The following PCDHGB5 variants were observed in gnomAD, a reference collection of about 807,000 sequenced individuals.
The protein encoded by PCDHGB5 is protocadherin gamma subfamily B, 5.
In PCDHGB5, 48 loss-of-function variants were observed where a neutral mutation model predicts 62.9. The observed-to-expected ratio is 0.76, with a 90% CI of 0.61 to 0.97. PCDHGB5 has a LOEUF of 0.97. PCDHGB5 is among the 50% of genes least tolerant of loss of function. The probability of loss-of-function intolerance (pLI) is 0.00; values close to 1 mark genes in which losing one functional copy is unlikely to be tolerated. For synonymous variants in PCDHGB5, 474 were observed against 511.2 expected, an observed-to-expected ratio of 0.93 and a Z score of 0.98; for missense variants, 1,118 against 1,198.6, an observed-to-expected ratio of 0.93 and a Z score of 0.99.
Position 141,432,323 on chromosome 5 carries a change from T to C in PCDHGB5, c.2397+31799T>C, listed in dbSNP as rs1198710959. The C allele has an allele frequency of 3.4e-5, 55 of 1,614,214 alleles. No individual in the cohort carries two copies. Among genetic ancestry groups the C allele is most frequent in the Non-Finnish European group, 4.7e-5 (55 of 1,180,028 alleles). On this transcript the variant is annotated intron_variant, in intron 1 of 3. Transcript: ENST00000617380. This position sits in a 1 kb window ranked among gnomAD's most constrained non-coding sequence, Gnocchi z 6.0. ...ACTGTATGCGCTGAGCTCCTTCGAC[T>C]ACGAGCAGTTCCGAGACTTGCAAGT...
At chr5:141,409,097 G>C in intron 1 of PCDHGB5, 1 of 1,613,958 alleles carries the variant, frequency 6.2e-7, no homozygotes, top group Non-Finnish European at 8.5e-7. Context: ...TGAGAAAACA[G>C]GTATGATTAA....
intron 1 of PCDHGB5, chr5:141,421,202 C>G (rs1345590720): frequency 6.6e-7 from 1 of 1,519,226 alleles, no homozygotes; most frequent in Non-Finnish European, 8.8e-7. Flanking sequence ...CTCGAGAAAC[C>G]GCGGAATATC....
At chr5:141,504,352 G>A (rs2099837588) in intron 2 of PCDHGB5, among the ~76,000 whole-genome samples, 3 of 152,016 alleles carry the variant, frequency 2.0e-5, no homozygotes, top group Admixed American at 1.3e-4. Flanking sequence ...TTTGTGCTAG[G>A]TGCTTCAGTA....
intron 1 of PCDHGB5, chr5:141,422,667 G>A (rs1283968031): frequency 1.9e-6 from 3 of 1,607,536 alleles, no homozygotes; most frequent in South Asian, 1.1e-5. Context: ...CCCTCGACCC[G>A]GACAGCAAAC....
At chr5:141,451,812 C>T (rs974567828) in intron 1 of PCDHGB5, among the ~76,000 whole-genome samples, 1 of 149,686 alleles carries the variant, frequency 6.7e-6, no homozygotes, top group Non-Finnish European at 1.5e-5. Context: ...ACCCAGGAGG[C>T]GGAGGTTACA....
chr5:141,409,879 A>C, intron 1 of PCDHGB5: 1 of 1,612,852 alleles, frequency 6.2e-7, no homozygotes. Context: ...ATGACAACGC[A>C]CCGCGGGTGC....
In PCDHGB5 at chr5:141,399,649, G is replaced by A. The variant is rs1325160100; in HGVS notation, c.1522G>A (p.Gly508Arg). 1.2e-6 allele frequency: 2 copies of A among 1,613,794 alleles called. No individual in the cohort carries two copies. Among genetic ancestry groups the A allele is most frequent in the East Asian group, 2.2e-5 (1 of 44,878 alleles). ...TTACGTGTCCATGAGCGCGCAAAGTGGGGTGGTGTTCGCGCAGCGCGCCTT... is the reference window on the plus strand; with the variant it reads ...TTACGTGTCCATGAGCGCGCAAAGTAGGGTGGTGTTCGCGCAGCGCGCCTT... ...ASYVSMSAQS[G>R]VVFAQRAFDY... Residue 508 changes from glycine (G) to arginine (R), a missense_variant, in exon 1 of 4, where the codon GGG (glycine) becomes AGG (arginine). Transcript: ENST00000617380.
rs2093677658 is a variant in PCDHGB5, at chr5:141,398,611, A to G, written c.484A>G (p.Ile162Val). The G allele has an allele frequency of 2.5e-6, 4 of 1,613,944 alleles. No individual in the cohort carries two copies. The highest frequency in any genetic ancestry group is 1.3e-5 in the African/African-American group (1 of 74,948). Residue 162 changes from isoleucine (I) to valine (V), a missense_variant, in exon 1 of 4, where the codon ATT becomes GTT. By Grantham distance (29) the Ile-to-Val change is conservative. Around this residue, in one of 2 missense-constraint regions of PCDHGB5, gnomAD observed 1,034 missense variants for 1,029.1 expected, o/e 1.00. Transcript: ENST00000617380. ...ACTAGAAGTAGCAGAAGATGCAGAT[A>G]TTGGCTTAAACTCTCTGCAGAAGTA... ...FILEVAEDAD[I>V]GLNSLQKYKL...
At chr5:141,420,945 G>C in intron 1 of PCDHGB5, 1 of 396,520 alleles carries the variant, frequency 2.5e-6, no homozygotes, top group South Asian at 5.1e-5. Flanking sequence ...ATTTCTTCTG[G>C]AATTTCTTAG....
chr5:141,508,901 C>T (rs1466455227), intron 3 of PCDHGB5, among the ~76,000 whole-genome samples: 1 of 151,946 alleles, frequency 6.6e-6, no homozygotes, highest in South Asian at 2.1e-4. Flanking sequence ...GGGGGCGGGG[C>T]GGTGGCGGAT....
At chr5:141,402,919 G>T in intron 1 of PCDHGB5, 1 of 1,572,640 alleles carries the variant, frequency 6.4e-7, no homozygotes, top group Non-Finnish European at 8.6e-7. Flanking sequence ...CGCGCACAGA[G>T]ATCCTTTTGA....
chr5:141,510,833 C>T (rs2099882936), intron 3 of PCDHGB5, 114 bp from the exon 4 acceptor site: 46 of 1,577,678 alleles, frequency 2.9e-5, no homozygotes, highest in South Asian at 2.5e-4. Context: ...CAGTGCTCAG[C>T]GTGGTCAAGG....
chr5:141,502,062 A>G (rs530211521), intron 2 of PCDHGB5, among the ~76,000 whole-genome samples: 2 of 152,146 alleles, frequency 1.3e-5, no homozygotes, highest in South Asian at 4.2e-4. Flanking sequence ...TATTCCCATT[A>G]GCCCCCTTCA....
At position 141,485,398 on chromosome 5, in the gene PCDHGB5, C is replaced by T. The variant is rs906016330; in HGVS notation, c.2398-9409C>T. The T allele has an allele frequency of 1.3e-5, 21 of 1,614,044 alleles. No individual in the cohort carries two copies. The highest frequency in any genetic ancestry group is 1.8e-5 in the Non-Finnish European group (21 of 1,179,928). On this transcript the variant is annotated intron_variant, in intron 1 of 3. Coordinates refer to ENST00000617380, the MANE Select transcript of PCDHGB5 (RefSeq NM_018925.3). This position sits in a 1 kb window ranked among gnomAD's most constrained non-coding sequence, Gnocchi z 5.7. ...CTGGAGAGGTGAACCAAAGACACTT[C>T]CGTGTGGATTTGGACAGCGGAGCCC...
intron 1 of PCDHGB5, chr5:141,421,286 T>G: frequency 6.2e-7 from 1 of 1,613,284 alleles, no homozygotes; most frequent in Non-Finnish European, 8.5e-7. Flanking sequence ...CTGTGCATTT[T>G]CCTGGGGACG....
rs756144117 is a variant in PCDHGB5, at chr5:141,485,181, G to A, written c.2398-9626G>A. On this transcript the variant is annotated intron_variant, in intron 1 of 3. Transcript: ENST00000617380. This position sits in a 1 kb window ranked among gnomAD's most constrained non-coding sequence, Gnocchi z 5.7. ...AATTAGCGGGCGGCAGCAATGCTCC[G>A]CAAGGTGAGAAGCTGGACAGAAATC... 3.1e-6 allele frequency: 5 copies of A among 1,612,942 alleles called. No individual in the cohort carries two copies. The South Asian group carries it at 4.4e-5, about 14-fold the overall frequency.
chr5:141,463,125 G>A (rs2099053159), intron 1 of PCDHGB5, among the ~76,000 whole-genome samples: 3 of 152,192 alleles, frequency 2.0e-5, no homozygotes, highest in East Asian at 1.9e-4. Context: ...ATAGCTCCCT[G>A]GCAGTTCTTC....
At chr5:141,457,475 G>T (rs1203288452) in intron 1 of PCDHGB5, among the ~76,000 whole-genome samples, 1 of 152,142 alleles carries the variant, frequency 6.6e-6, no homozygotes, top group East Asian at 1.9e-4. Flanking sequence ...AATAAGCAGG[G>T]CCAGGGTTAG....
At chr5:141,413,199 A>T in intron 1 of PCDHGB5, 1 of 1,611,930 alleles carries the variant, frequency 6.2e-7, no homozygotes, top group Non-Finnish European at 8.5e-7. Flanking sequence ...GGAATCGCTC[A>T]AAGGAATCAA....
Sources: allele counts gnomAD v4.1 joint callset (sites outside exome capture counted in the v4.1 genomes callset), GRCh38; gene constraint gnomAD v4.1.1; regional missense constraint gnomAD v4.1.1; non-coding constraint Gnocchi (gnomAD v3.1); transcripts MANE v1.5; gene names NCBI Gene and HGNC (gene_info 2026-07-23, HGNC 2026-07-21).